The following SCML1 variants were observed in gnomAD, a reference collection of about 807,000 sequenced individuals.
The protein encoded by SCML1 is Scm polycomb group protein like 1.
For missense variants in SCML1, 137 were observed against 258.1 expected (o/e 0.53, Z 3.22); for synonymous variants, 104 against 103.6 (o/e 1.00, Z -0.02).
chrX:17,748,931 T>C (rs1054088117), intron 4 of SCML1, among the ~76,000 whole-genome samples: 1 of 112,830 alleles, frequency 8.9e-6, no homozygotes, highest in African/African-American at 3.2e-5. Context: ...CTGTTATATT[T>C]GGTTCAGTGT....
At chrX:17,740,107 T>G (rs1446677404) in intron 1 of SCML1, among the ~76,000 whole-genome samples, 1 of 111,716 alleles carries the variant, frequency 9.0e-6, no homozygotes, top group African/African-American at 3.3e-5. Flanking sequence ...GTGTAATTTT[T>G]GGCCTAAATA....
chrX:17,749,544 C>G (rs764056010), intron 5 of SCML1, 40 bp downstream of exon 5: 3 of 871,998 alleles, frequency 3.4e-6, no homozygotes, highest in Non-Finnish European at 5.0e-6. Flanking sequence ...TGTGATAAAC[C>G]TCTGGTTTGT....
intron 3 of SCML1, 99 bp from the exon 4 acceptor site, chrX:17,745,919 A>G (rs1312833784): frequency 1.8e-5 from 8 of 443,543 alleles, no homozygotes; most frequent in Admixed American, 3.9e-5. Context: ...GTGATAAATA[A>G]AAACAATTTA....
At chrX:17,753,127 G>A (rs1448840266) in intron 7 of SCML1, 131 bp from the exon 8 acceptor site, 3 of 401,363 alleles carry the variant, frequency 7.5e-6, no homozygotes, top group Non-Finnish European at 1.2e-5. Flanking sequence ...TAAAGTAGAC[G>A]CATATTCAGA....
rs148722562 is a variant in SCML1, at chrX:17,743,954, T to A, written c.-116-117T>A. ...TGGCCATGGAAGAATTCTGGTTTTG[T>A]CACTCTCTAAAATTCAACCCAAAGT... On this transcript the variant is annotated intron_variant, in intron 1 of 7. Coordinates refer to ENST00000380041, the MANE Select transcript of SCML1 (RefSeq NM_001037540.3). 3 of 316,247 alleles carry A rather than the reference T, an allele frequency of 9.5e-6. No individual in the cohort carries two copies. The East Asian group carries it at 1.5e-4, about 16-fold the overall frequency. The allele number at this position is 316,247 out of a possible 1,213,427, so 26.1% of individuals were successfully genotyped here.
rs2066689842 is a variant in SCML1 at position 17,749,902 on chromosome X, T to C, written c.312T>C (p.Tyr104=). 8.3e-7 allele frequency: 1 copy of C among 1,206,251 alleles called. No individual in the cohort carries two copies. The highest frequency in any genetic ancestry group is 1.1e-6 in the Non-Finnish European group (1 of 892,538). ...TGTTTGTGTGATTTCAGAAGCGATA[T>C]GGATATAAAAAGCATTCTTACCGGC... The part of the protein sequence containing the change: ...ARSLWTNHKR[Y]GYKKHSYRLV... Residue 104 remains tyrosine, a synonymous_variant, in exon 6 of 8, where the codon TAT becomes TAC. Coordinates refer to ENST00000380041, the MANE Select transcript of SCML1 (RefSeq NM_001037540.3).
intron 1 of SCML1, among the ~76,000 whole-genome samples, chrX:17,740,461 C>T (rs772986442): frequency 8.2e-5 from 9 of 110,190 alleles, no homozygotes; most frequent in Non-Finnish European, 1.5e-4. Flanking sequence ...TTAATCCTCA[C>T]GATTCCGTGA....
At chrX:17,751,667 A>G in intron 6 of SCML1, 148 bp from the exon 7 acceptor site, 1 of 546,484 alleles carries the variant, frequency 1.8e-6, no homozygotes, top group East Asian at 3.5e-5. Flanking sequence ...ACTAGATTTT[A>G]CAGTTGGAGT....
chrX:17,748,496 G>A (rs1336820920), intron 4 of SCML1, among the ~76,000 whole-genome samples: 1 of 111,946 alleles, frequency 8.9e-6, no homozygotes, highest in Non-Finnish European at 1.9e-5. Flanking sequence ...ATGAGCCACC[G>A]CACCCGGCCA....
At chrX:17,753,226 A>G (rs2066731771) in intron 7 of SCML1, 32 bp from the exon 8 acceptor site, 1 of 1,093,522 alleles carries the variant, frequency 9.1e-7, no homozygotes, top group Non-Finnish European at 1.2e-6. Context: ...TGGAAGCATT[A>G]TTAATTATCG....
At position 17,750,303 on chromosome X, in the gene SCML1, C is replaced by A; in HGVS notation, c.703+10C>A. ...GCAGCACCACCTTCAGGTATGCTGG[C>A]CCAGGGAGAGCCCAATTTGGTACAT... On this transcript the variant is annotated intron_variant, in intron 6 of 7. Transcript: ENST00000380041. 8.4e-7 allele frequency: 1 copy of A among 1,189,196 alleles called. No homozygotes were observed. The highest frequency in any genetic ancestry group is 3.0e-5 in the East Asian group (1 of 33,587).
Position 17,754,133 on chromosome X carries a change from A to G in SCML1, c.*741A>G, listed in dbSNP as rs1160270629. 1.8e-5 allele frequency: 2 copies of G among 111,840 alleles called. No homozygotes were observed. Among genetic ancestry groups the G allele is most frequent in the Admixed American group, 9.5e-5 (1 of 10,530 alleles). The allele number at this position is 111,840 out of a possible 1,213,427, so 9.2% of individuals were successfully genotyped here. A position where few individuals can be genotyped will look rare whatever the true frequency, so the allele number is the denominator to read the frequency against. On this transcript the variant is annotated 3_prime_UTR_variant, in exon 8 of 8. Transcript: ENST00000380041. ...ATATTAAAACTGTCATATTTTGGCT[A>G]AGTTTGGACCTATAACTACACTTTC...
intron 4 of SCML1, among the ~76,000 whole-genome samples, chrX:17,747,870 G>A (rs897388929): frequency 1.8e-5 from 2 of 112,091 alleles, no homozygotes; most frequent in African/African-American, 3.2e-5. Context: ...GAAGCACAGA[G>A]AGGTTAAGTA....
intron 4 of SCML1, among the ~76,000 whole-genome samples, chrX:17,747,442 G>T (rs1231172562): frequency 2.7e-5 from 3 of 111,366 alleles, no homozygotes; most frequent in African/African-American, 9.8e-5. Context: ...TCCTGTGACA[G>T]CCCCACTCCT....
chrX:17,750,473 A>G (rs1798095142), intron 6 of SCML1, among the ~76,000 whole-genome samples, 180 bp downstream of exon 6: 1 of 112,595 alleles, frequency 8.9e-6, no homozygotes, highest in Admixed American at 9.4e-5. Flanking sequence ...TCCTTGATGC[A>G]AACTAGTGGA....
chrX:17,738,586 TAAAAC>T (rs1483549687), intron 1 of SCML1, among the ~76,000 whole-genome samples: 1 of 111,027 alleles, frequency 9.0e-6, no homozygotes, highest in African/African-American at 3.3e-5. Flanking sequence ...TGATTGTTCT[TAAAAC>T]AAACAGAGCG....
rs375971585 is a variant in SCML1, at chrX:17,750,342, T to G, written c.703+49T>G. The stretch of plus-strand genomic sequence containing the variant: ...AATTTGGTACATGCCCCTGAGATGA[T>G]GAGTTACTCAGCTTTGATGGAGAAT... On this transcript the variant is annotated intron_variant, in intron 6 of 7. Transcript: ENST00000380041. 4 of 1,111,626 alleles carry G rather than the reference T, an allele frequency of 3.6e-6. No homozygotes were observed. In the African/African-American group the frequency reaches 5.5e-5, roughly 15 times the overall value. 91.6% of individuals were successfully genotyped at this position (1,111,626 alleles called of 1,213,427 possible).
In SCML1 at chrX:17,741,321, C is replaced by T. The variant is rs755358009; in HGVS notation, c.-116-2750C>T. Among the ~76,000 whole-genome samples the T allele has an allele frequency of 2.7e-5, 3 of 111,898 alleles. No homozygotes were observed. In the South Asian group the frequency reaches 1.1e-3, roughly 42 times the overall value. ...CAGGAGGCGGAGCTCAGGCGATAAT[C>T]CTTGCTAGCTCCTGCTGTGCTCCTA... On this transcript the variant is annotated intron_variant, in intron 1 of 7. Transcript: ENST00000380041.
intron 6 of SCML1, among the ~76,000 whole-genome samples, chrX:17,750,930 C>T: frequency 8.9e-6 from 1 of 112,434 alleles, no homozygotes. Context: ...GAGTCTAACA[C>T]TGTGGGTGAG....
Sources: allele counts gnomAD v4.1 joint callset (sites outside exome capture counted in the v4.1 genomes callset), GRCh38; gene constraint gnomAD v4.1.1; transcripts MANE v1.5; gene names NCBI Gene and HGNC (gene_info 2026-07-23, HGNC 2026-07-21).